PLTP: variants seen among roughly 807,000 people sequenced by gnomAD.
PLTP encodes the protein BPI fold containing family E.
Under a neutral mutation model 54.1 loss-of-function variants are expected in PLTP, and 43 were observed. That is an observed-to-expected ratio of 0.79 (90% CI 0.62 to 1.02). PLTP has a LOEUF of 1.02. Ranked by LOEUF, PLTP falls within the 50% of genes least tolerant of loss-of-function variation. The probability of loss-of-function intolerance (pLI) is 0.00; values close to 1 mark genes in which losing one functional copy is unlikely to be tolerated. For synonymous variants in PLTP, 263 were observed against 264.6 expected (o/e 0.99, Z 0.06); for missense variants, 604 against 645.9 (o/e 0.94, Z 0.70).
chr20:45,903,694 T>C (rs1246903751), intron 10 of PLTP, among the ~76,000 whole-genome samples: 1 of 152,142 alleles, frequency 6.6e-6, no homozygotes, highest in African/African-American at 2.4e-5. Context: ...TTACTGCCAA[T>C]TTTGTTGTTG....
intron 5 of PLTP, among the ~76,000 whole-genome samples, chr20:45,908,746 A>T (rs892045077): frequency 6.6e-6 from 1 of 151,902 alleles, no homozygotes; most frequent in Non-Finnish European, 1.5e-5. Context: ...AGGTTGCAGT[A>T]AACCGAGATG....
chr20:45,910,246 T>C (rs2083277733), intron 3 of PLTP, among the ~76,000 whole-genome samples, 176 bp from the exon 4 acceptor site: 2 of 152,152 alleles, frequency 1.3e-5, no homozygotes, highest in African/African-American at 4.8e-5. Context: ...AAAGTTGAAC[T>C]TGGGTGGCTG....
In PLTP at chr20:45,911,207, TA is replaced by T. The variant is rs1568778886; in HGVS notation, c.144del (p.Ile49SerfsTer20). 1.2e-6 allele frequency: 2 copies of T among 1,614,176 alleles called. No homozygotes were observed. Among genetic ancestry groups the T allele is most frequent in the Admixed American group, 3.3e-5 (2 of 60,024 alleles). On this transcript the variant is annotated frameshift_variant, in exon 3 of 16. Transcript: ENST00000372431. LOFTEE classifies it high-confidence loss of function. ...GLRFLEQELE[T>X]ITIPDLRGKE... ...TTGCCCCGCAGGTCCGGAATGGTGA[TA>T]GTCTCCAGCTCTTGCTCCAGAAAGC...
At position 45,899,837 on chromosome 20, in the gene PLTP, G is replaced by T; in HGVS notation, c.1217C>A (p.Ala406Asp). The T allele has an allele frequency of 1.2e-6, 1 of 808,610 alleles. No individual in the cohort carries two copies. The highest frequency in any genetic ancestry group is 1.7e-6 in the Non-Finnish European group (1 of 572,364). The allele number at this position is 808,610 out of a possible 1,614,324, so 50.1% of individuals were successfully genotyped here. ...YSNHSALESLALIPLQAPLKT... is the reference protein window; with the variant it reads ...YSNHSALESLDLIPLQAPLKT... ...GCCCACCCACCCTTCCCCACTCACA[G>T]CCAGCGACTCCAGTGCAGAATGGTT... The change falls in exon 13 of 16, where the codon GCT (alanine) becomes GAT (aspartate). Residue 406 changes from alanine to aspartate, a missense_variant and splice_region_variant. Ala to Asp is a moderately radical substitution (Grantham distance 126). Transcript: ENST00000372431.
intron 10 of PLTP, 56 bp from the exon 11 acceptor site, chr20:45,902,660 C>A: frequency 4.6e-6 from 7 of 1,518,020 alleles, no homozygotes; most frequent in Non-Finnish European, 5.3e-6. Flanking sequence ...TTGGAGCCCC[C>A]AGGGAAGAAG....
intron 10 of PLTP, among the ~76,000 whole-genome samples, chr20:45,902,967 A>T (rs11569673): frequency 6.7e-6 from 1 of 148,412 alleles, no homozygotes; most frequent in Non-Finnish European, 1.5e-5. Flanking sequence ...GCAGTGGCAC[A>T]ATCTCGGCTC....
Position 45,898,767 on chromosome 20 carries a change from G to T in PLTP, c.*174C>A. 1 of 786,414 alleles carries T rather than the reference G, an allele frequency of 1.3e-6. No individual in the cohort carries two copies. The highest frequency in any genetic ancestry group is 2.0e-6 in the Non-Finnish European group (1 of 497,730). The allele number at this position is 786,414 out of a possible 1,614,324, so 48.7% of individuals were successfully genotyped here. On this transcript the variant is annotated 3_prime_UTR_variant, in exon 16 of 16. Coordinates refer to ENST00000372431, the MANE Select transcript of PLTP (RefSeq NM_006227.4). This position sits in a 1 kb window ranked among gnomAD's most constrained non-coding sequence, Gnocchi z 4.6. ...CAGGACAGCCCACAGGGAGGTGGTG[G>T]ACGGACTGTAATTGATAGATTGATT... is the stretch of plus-strand genomic sequence containing the variant.
chr20:45,899,623 A>T lies in PLTP; in HGVS notation c.1281T>A (p.Asn427Lys). 6.2e-7 allele frequency: 1 copy of T among 1,613,772 alleles called. No homozygotes were observed. The highest frequency in any genetic ancestry group is 8.5e-7 in the Non-Finnish European group (1 of 1,179,952). The change falls in exon 14 of 16, where the codon AAT becomes AAA. Residue 427 changes from asparagine (N) to lysine (K), a missense_variant and splice_region_variant. Physicochemically the swap from Asn to Lys is moderately conservative, Grantham distance 94. Transcript: ENST00000372431. ...MLQIGVMPML[N>K]ERTWRGVQIP... ...TCCATCCTCACACCCCAGCCTTACC[A>T]TTGAGCATGGGCATCACCCCAATCT... is the stretch of plus-strand genomic sequence containing the variant.
At position 45,898,977 on chromosome 20, in the gene PLTP, C is replaced by T. The variant is rs34881646; in HGVS notation, c.1446G>A (p.Ala482=). Residue 482 remains alanine (A), a synonymous_variant, in exon 16 of 16, where the codon GCG becomes GCA. Coordinates refer to ENST00000372431, the MANE Select transcript of PLTP (RefSeq NM_006227.4). This position sits in a 1 kb window ranked among gnomAD's most constrained non-coding sequence, Gnocchi z 4.6. ...IEKNRPADVR[A]STAPTPSTAA... ...CTGTGGACGGTGTGGGGGCAGTGGA[C>T]GCCCTGACATCAGCAGGCCGGTTCT... 1.6e-4 allele frequency: 266 copies of T among 1,614,042 alleles called. No individual in the cohort carries two copies. Among genetic ancestry groups the T allele is most frequent in the Non-Finnish European group, 2.1e-4 (252 of 1,179,992 alleles).
At position 45,910,053 on chromosome 20, in the gene PLTP, A is replaced by C; in HGVS notation, c.218T>G (p.Leu73Arg). ...YNISEVKVTE[L>R]QLTSSELDFQ... Reference sequence around the variant, plus strand: ...ATCGAGCTCGGAAGATGTCAGTTGCAGCTCTGTGACCTTCACCCTACAGGA... The same window carrying C: ...ATCGAGCTCGGAAGATGTCAGTTGCCGCTCTGTGACCTTCACCCTACAGGA... Residue 73 changes from leucine (L) to arginine (R), a missense_variant, in exon 4 of 16, where the codon CTG becomes CGG. By Grantham distance (102) the Leu-to-Arg change is moderately radical. Transcript: ENST00000372431. The C allele has an allele frequency of 6.2e-7, 1 of 1,614,064 alleles. No individual in the cohort carries two copies. The highest frequency in any genetic ancestry group is 8.5e-7 in the Non-Finnish European group (1 of 1,179,966).
chr20:45,910,982 G>C lies in PLTP; in HGVS notation c.200+170C>G, dbSNP rs534798649. Reference sequence around the variant, plus strand: ...TGCCTGGTCCCGCCTATGATGACTGGCTTGGCCTTTATCTTTTCGGCCCCA... The same window carrying C: ...TGCCTGGTCCCGCCTATGATGACTGCCTTGGCCTTTATCTTTTCGGCCCCA... On this transcript the variant is annotated intron_variant, in intron 3 of 15. Coordinates refer to ENST00000372431, the MANE Select transcript of PLTP (RefSeq NM_006227.4). The C allele has an allele frequency of 2.6e-6, 4 of 1,513,622 alleles. No individual in the cohort carries two copies. In the South Asian group the frequency reaches 5.1e-5, roughly 19 times the overall value. The allele number at this position is 1,513,622 out of a possible 1,614,324, so 93.8% of individuals were successfully genotyped here.
chr20:45,908,620 C>T (rs1245783736), intron 5 of PLTP, among the ~76,000 whole-genome samples: 1 of 151,924 alleles, frequency 6.6e-6, no homozygotes, highest in African/African-American at 2.4e-5. Flanking sequence ...GCCAATATGG[C>T]GAAACCCTGT....
intron 7 of PLTP, among the ~76,000 whole-genome samples, chr20:45,907,323 G>C (rs1194595447): frequency 7.4e-6 from 1 of 134,276 alleles, no homozygotes; most frequent in African/African-American, 2.9e-5. Context: ...GAGACTGTAA[G>C]ACTCCGTGCA....
chr20:45,906,925 T>C (rs1401195648), intron 7 of PLTP, among the ~76,000 whole-genome samples: 1 of 119,630 alleles, frequency 8.4e-6, no homozygotes, highest in Non-Finnish European at 2.0e-5. Flanking sequence ...TGGCATGAGG[T>C]TCCTTTCCCT....
chr20:45,909,412 G>T, intron 5 of PLTP, 104 bp downstream of exon 5: 1 of 1,262,734 alleles, frequency 7.9e-7, no homozygotes, highest in South Asian at 1.2e-5. Context: ...GCTGAGCTTT[G>T]GACCCAGTTG....
Position 45,909,812 on chromosome 20 carries a change from A to G in PLTP, c.329+130T>C, listed in dbSNP as rs889097637. The G allele has an allele frequency of 7.0e-6, 10 of 1,424,406 alleles. No individual in the cohort carries two copies. The African/African-American group carries it at 1.3e-4, about 18-fold the overall frequency. The allele number at this position is 1,424,406 out of a possible 1,614,324, so 88.2% of individuals were successfully genotyped here. On this transcript the variant is annotated intron_variant, in intron 4 of 15. Transcript: ENST00000372431. ...CTTCCTATCAACTCGTATGAAATGC[A>G]TATGCCTGTTTCTGTTACACAGATG...
At chr20:45,899,563 G>T in intron 14 of PLTP, 25 bp from the exon 15 acceptor site, 1 of 1,614,122 alleles carries the variant, frequency 6.2e-7, no homozygotes, top group Admixed American at 1.7e-5. Flanking sequence ...ACCCCGCTCA[G>T]TCTGGGCCCG....
chr20:45,910,157 C>T, intron 3 of PLTP, 87 bp from the exon 4 acceptor site: 1 of 1,471,584 alleles, frequency 6.8e-7, no homozygotes, highest in Non-Finnish European at 9.4e-7. Context: ...CCTTTCAAGT[C>T]CAGGCCTGGG....
intron 10 of PLTP, among the ~76,000 whole-genome samples, chr20:45,903,200 GCTCT>G (rs987624731): frequency 6.6e-6 from 1 of 151,306 alleles, no homozygotes; most frequent in Non-Finnish European, 1.5e-5. Context: ...ATATCTTTTT[GCTCT>G]CTCTCTCCTT....
Sources: gnomAD v4.1 joint callset for allele counts (sites outside exome capture counted in the v4.1 genomes callset) on GRCh38, gnomAD v4.1.1 for gene constraint, Gnocchi (gnomAD v3.1) non-coding constraint, MANE v1.5 for transcripts, NCBI Gene and HGNC (gene_info 2026-07-23, HGNC 2026-07-21) for gene names.